KCTD18: variants seen among roughly 807,000 people sequenced by gnomAD.
The protein encoded by KCTD18 is BTB/POZ domain-containing protein KCTD18.
KCTD18 carries 22 observed loss-of-function variants against 30.4 expected under a neutral mutation model. That is an observed-to-expected ratio of 0.72 (90% CI 0.52 to 1.03). KCTD18 has a LOEUF of 1.03. Ranked by LOEUF, KCTD18 falls within the 50% of genes least tolerant of loss-of-function variation. The pLI is 0.00. For missense variants in KCTD18, 529 were observed against 547.6 expected (o/e 0.97, Z 0.34); for synonymous variants, 186 against 209.0 (o/e 0.89, Z 0.95).
Position 200,489,547 on chromosome 2 carries a change from T to G in KCTD18, c.*553A>C, listed in dbSNP as rs1329890709. On this transcript the variant is annotated 3_prime_UTR_variant, in exon 7 of 7. Coordinates refer to ENST00000359878, the MANE Select transcript of KCTD18 (RefSeq NM_152387.4). ...TTGAATTAAGTGAGAGTCAAAGTGCTAATTCAATCTATGGGGTTTTTTCCT... is the reference window on the plus strand; with the variant it reads ...TTGAATTAAGTGAGAGTCAAAGTGCGAATTCAATCTATGGGGTTTTTTCCT... 1 of 152,342 alleles carries G rather than the reference T, an allele frequency of 6.6e-6. No individual in the cohort carries two copies. Among genetic ancestry groups the G allele is most frequent in the African/African-American group, 2.4e-5 (1 of 41,480 alleles). The allele number at this position is 152,342 out of a possible 1,614,324, so 9.4% of individuals were successfully genotyped here. A position where few individuals can be genotyped will look rare whatever the true frequency, so the allele number is the denominator to read the frequency against.
chr2:200,502,300 T>TA (rs1314570586), intron 3 of KCTD18, among the ~76,000 whole-genome samples: 3 of 151,064 alleles, frequency 2.0e-5, no homozygotes, highest in Admixed American at 6.6e-5. Flanking sequence ...ATAATAAATT[T>TA]AAAAAAAAGA....
intron 3 of KCTD18, among the ~76,000 whole-genome samples, chr2:200,499,649 C>T (rs536427343): frequency 2.5e-4 from 38 of 151,616 alleles, no homozygotes; most frequent in African/African-American, 8.2e-4. Context: ...AGCTTACCAA[C>T]CAAAGAGAGT....
At chr2:200,497,279 T>C (rs2088010936) in intron 5 of KCTD18, 1 of 160,128 alleles carries the variant, frequency 6.2e-6, no homozygotes, top group Admixed American at 6.1e-5. Context: ...AAACTACTTA[T>C]CGGGGATATA....
chr2:200,497,783 T>A lies in KCTD18; in HGVS notation c.631A>T (p.Met211Leu), dbSNP rs752889849. The A allele has an allele frequency of 7.4e-6, 12 of 1,612,188 alleles. No individual in the cohort carries two copies. The African/African-American group carries it at 9.3e-5, about 13-fold the overall frequency. Residue 211 changes from methionine to leucine, a missense_variant, in exon 5 of 7, where the codon ATG becomes TTG. Met to Leu is a conservative substitution (Grantham distance 15). Coordinates refer to ENST00000359878, the MANE Select transcript of KCTD18 (RefSeq NM_152387.4). ...CCTTCCCAAGCATCAAAGGCATCCATCATTTTCTTCAACTCTGCTACTGAA... is the reference window on the plus strand; with the variant it reads ...CCTTCCCAAGCATCAAAGGCATCCAACATTTTCTTCAACTCTGCTACTGAA... ...YYSVAELKKMMDAFDAWEGKG... is the reference protein window; with the variant it reads ...YYSVAELKKMLDAFDAWEGKG...
At chr2:200,499,107 A>C in intron 3 of KCTD18, 23 bp from the exon 4 acceptor site, 1 of 1,524,538 alleles carries the variant, frequency 6.6e-7, no homozygotes, top group Admixed American at 2.1e-5. Flanking sequence ...GTATATATAA[A>C]ATTTGAATTT....
At chr2:200,501,895 C>G (rs1307524103) in intron 3 of KCTD18, among the ~76,000 whole-genome samples, 7 of 150,386 alleles carry the variant, frequency 4.7e-5, no homozygotes, top group Non-Finnish European at 7.4e-5. Context: ...CCCAAATGTC[C>G]AACAATGATA....
chr2:200,503,414 GGTGTCCCAC>G (rs1158516201), intron 3 of KCTD18, among the ~76,000 whole-genome samples: 1 of 152,112 alleles, frequency 6.6e-6, no homozygotes, highest in Non-Finnish European at 1.5e-5. Context: ...TGTATTTCTT[GGTGTCCCAC>G]GCAGCCCCTT....
chr2:200,508,687 T>C (rs1330115641), intron 1 of KCTD18, among the ~76,000 whole-genome samples: 1 of 152,186 alleles, frequency 6.6e-6, no homozygotes, highest in Admixed American at 6.5e-5. Context: ...ACCATGTGTG[T>C]AGAATACGGT....
In KCTD18 at chr2:200,504,770, C is replaced by G. The variant is rs531060357; in HGVS notation, c.350G>C (p.Arg117Thr). Reference sequence around the variant, plus strand: ...GACCTTTTTAAGTTCTATATTTGACCTTAAAGAATATGTCTCCATTTCATT... The same window carrying G: ...GACCTTTTTAAGTTCTATATTTGACGTTAAAGAATATGTCTCCATTTCATT... ...LANEMETYSL[R>T]SNIELKKALT... The change falls in exon 3 of 7, where the codon AGG (arginine) becomes ACG (threonine). Residue 117 changes from arginine to threonine, a missense_variant. Arg to Thr is a moderately conservative substitution (Grantham distance 71). Transcript: ENST00000359878. 12 of 1,613,594 alleles carry G rather than the reference C, an allele frequency of 7.4e-6. No homozygotes were observed. In the African/African-American group the frequency reaches 9.3e-5, roughly 13 times the overall value.
intron 1 of KCTD18, 59 bp from the exon 2 acceptor site, chr2:200,507,150 TAATA>T (rs1314380540): frequency 5.2e-6 from 3 of 579,522 alleles, no homozygotes; most frequent in Non-Finnish European, 8.9e-6. Flanking sequence ...ATAGATAATA[TAATA>T]AATATACTTT....
chr2:200,506,094 A>C (rs2030181341), intron 2 of KCTD18, among the ~76,000 whole-genome samples: 1 of 152,066 alleles, frequency 6.6e-6, no homozygotes, highest in African/African-American at 2.4e-5. Flanking sequence ...CAACCTCCTA[A>C]CACCAGAGTT....
chr2:200,498,359 A>T (rs967725), intron 4 of KCTD18, among the ~76,000 whole-genome samples: 139,487 of 152,282 alleles, frequency 0.92, 64,520 homozygotes, highest in Non-Finnish European at 0.98. Flanking sequence ...AATTGCTAAG[A>T]GAATTAACCA....
At chr2:200,493,094 T>C in intron 6 of KCTD18, 78 bp downstream of exon 6, 1 of 797,678 alleles carries the variant, frequency 1.3e-6, no homozygotes, top group East Asian at 2.4e-5. Context: ...GAATTATTAT[T>C]CATTTTCCCT....
chr2:200,499,494 C>A (rs1201056223), intron 3 of KCTD18, among the ~76,000 whole-genome samples: 1 of 152,068 alleles, frequency 6.6e-6, no homozygotes, highest in South Asian at 2.1e-4. Flanking sequence ...GGGAATACTA[C>A]AAACACCTCT....
chr2:200,490,590 T>C lies in KCTD18; in HGVS notation c.791A>G (p.Asp264Gly). 6.3e-7 allele frequency: 1 copy of C among 1,596,276 alleles called. No individual in the cohort carries two copies. The highest frequency in any genetic ancestry group is 8.5e-7 in the Non-Finnish European group (1 of 1,177,192). The part of the protein sequence containing the change: ...KRRLITFNEA[D>G]ESVNYKTGPK... ...ACCAGTCTTATAGTTCACACTTTCG[T>C]CCGCTTCATTGAACGTTATCAGTCG... is the stretch of plus-strand genomic sequence containing the variant. The change falls in exon 7 of 7, where the codon GAC becomes GGC. Residue 264 changes from aspartate (D) to glycine (G), a missense_variant. Transcript: ENST00000359878.
rs767647863 is a variant in KCTD18 at position 200,507,038 on chromosome 2, T to G, written c.-22A>C. On this transcript the variant is annotated 5_prime_UTR_variant, in exon 2 of 7. Transcript: ENST00000359878. Reference sequence around the variant, plus strand: ...CCATTTCTCCCCCAGGCACCTGAATTTTTGCCGCCCAACACTTTCAGAAAC... The same window carrying G: ...CCATTTCTCCCCCAGGCACCTGAATGTTTGCCGCCCAACACTTTCAGAAAC... 2 of 1,590,732 alleles carry G rather than the reference T, an allele frequency of 1.3e-6. No individual in the cohort carries two copies. The highest frequency in any genetic ancestry group is 2.7e-5 in the African/African-American group (2 of 74,046).
rs1162408944 is a variant in KCTD18 at position 200,489,885 on chromosome 2, T to C, written c.*215A>G. ...GAAAACCAGAAATTCAAACTGCCCATAGACAATCATATAAAAGTTGGGAAA... is the reference window on the plus strand; with the variant it reads ...GAAAACCAGAAATTCAAACTGCCCACAGACAATCATATAAAAGTTGGGAAA... On this transcript the variant is annotated 3_prime_UTR_variant, in exon 7 of 7. Transcript: ENST00000359878. The C allele has an allele frequency of 1.1e-5, 6 of 527,514 alleles. No homozygotes were observed. The highest frequency in any genetic ancestry group is 2.0e-5 in the Non-Finnish European group (6 of 304,010). The allele number at this position is 527,514 out of a possible 1,614,324, so 32.7% of individuals were successfully genotyped here. A position where few individuals can be genotyped will look rare whatever the true frequency, so the allele number is the denominator to read the frequency against.
At chr2:200,499,664 G>A (rs1279085742) in intron 3 of KCTD18, among the ~76,000 whole-genome samples, 1 of 151,442 alleles carries the variant, frequency 6.6e-6, no homozygotes, top group Admixed American at 6.6e-5. Context: ...GAGAGTCCAG[G>A]ACCAGATGGA....
intron 1 of KCTD18, among the ~76,000 whole-genome samples, chr2:200,508,250 G>A (rs149555861): frequency 9.9e-5 from 15 of 152,200 alleles, no homozygotes; most frequent in African/African-American, 3.1e-4. Flanking sequence ...CCATCATGCC[G>A]GGCTAATTCT....
Sources: gnomAD v4.1 joint callset for allele counts (sites outside exome capture counted in the v4.1 genomes callset) on GRCh38, gnomAD v4.1.1 for gene constraint, MANE v1.5 for transcripts, NCBI Gene and HGNC (gene_info 2026-07-23, HGNC 2026-07-21) for gene names.